The following MSX1 variants were observed in gnomAD, a reference collection of about 807,000 sequenced individuals.
MSX1 encodes the protein msh homeobox 1.
In MSX1, 11 loss-of-function variants were observed where a neutral mutation model predicts 17.0. The observed-to-expected ratio is 0.65, with a 90% CI of 0.41 to 1.07. The LOEUF (loss-of-function observed/expected upper bound fraction) is 1.07, where lower values mean the gene tolerates loss of function less well. Ranked by LOEUF, MSX1 falls within the 50% of genes least tolerant of loss-of-function variation. The pLI is 0.00. For missense variants in MSX1, 477 were observed against 440.1 expected, an observed-to-expected ratio of 1.08 and a Z score of -0.75; for synonymous variants, 253 against 211.8, an observed-to-expected ratio of 1.19 and a Z score of -1.69.
At position 4,863,167 on chromosome 4, in the gene MSX1, G is replaced by A. The variant is rs1395817525; in HGVS notation, c.*24G>A. 4 of 1,573,680 alleles carry A rather than the reference G, an allele frequency of 2.5e-6. No homozygotes were observed. The highest frequency in any genetic ancestry group is 3.4e-6 in the Non-Finnish European group (4 of 1,167,366). On this transcript the variant is annotated 3_prime_UTR_variant, in exon 2 of 2. Transcript: ENST00000382723. ...AGAGGGTCCCAGGTCGCCCACCTGTGGGCCAGCCGATTCCTCCAGCCCTGG... is the reference window on the plus strand; with the variant it reads ...AGAGGGTCCCAGGTCGCCCACCTGTAGGCCAGCCGATTCCTCCAGCCCTGG...
At chr4:4,861,488 T>C (rs1410126513) in intron 1 of MSX1, among the ~76,000 whole-genome samples, 2 of 151,964 alleles carry the variant, frequency 1.3e-5, no homozygotes, top group Non-Finnish European at 2.9e-5. Context: ...TTTTGTTTTG[T>C]TTTTTCTGTT....
chr4:4,861,330 G>A (rs978659785), intron 1 of MSX1, among the ~76,000 whole-genome samples: 9 of 152,362 alleles, frequency 5.9e-5, no homozygotes, highest in African/African-American at 1.7e-4. Flanking sequence ...CGCCCCTCGG[G>A]CGGCCCGGCG....
chr4:4,862,928 G>A lies in MSX1; in HGVS notation c.697G>A (p.Ala233Thr). Residue 233 changes from alanine (A) to threonine (T), a missense_variant, in exon 2 of 2, where the codon GCA becomes ACA. Around this residue, in one of 3 missense-constraint regions of MSX1, gnomAD observed 114 missense variants for 106.3 expected, o/e 1.07. Coordinates refer to ENST00000382723, the MANE Select transcript of MSX1 (RefSeq NM_002448.3). ...RRAKAKRLQE[A>T]ELEKLKMAAK... ...CGCCAAGGCAAAGAGACTACAAGAG[G>A]CAGAGCTGGAGAAGCTGAAGATGGC... 1.2e-6 allele frequency: 2 copies of A among 1,613,450 alleles called. No individual in the cohort carries two copies. The highest frequency in any genetic ancestry group is 1.7e-6 in the Non-Finnish European group (2 of 1,180,010).
rs760652663 is a variant in MSX1 at position 4,863,036 on chromosome 4, G to A, written c.805G>A (p.Ala269Thr). ...GPAAVAAAAG[A>T]SLYGASGPFQ... Reference sequence around the variant, plus strand: ...CGCAGCTGTAGCGGCCGCGGCGGGTGCCTCGCTCTACGGTGCCTCTGGCCC... The same window carrying A: ...CGCAGCTGTAGCGGCCGCGGCGGGTACCTCGCTCTACGGTGCCTCTGGCCC... Residue 269 changes from alanine to threonine, a missense_variant, in exon 2 of 2, where the codon GCC (alanine) becomes ACC (threonine). Physicochemically the swap from Ala to Thr is moderately conservative, Grantham distance 58. This residue lies in a region of MSX1 where 114 missense variants were observed against 106.3 expected (regional missense o/e 1.07). Transcript: ENST00000382723. 1.2e-5 allele frequency: 20 copies of A among 1,609,740 alleles called. No individual in the cohort carries two copies. The highest frequency in any genetic ancestry group is 1.7e-5 in the Non-Finnish European group (20 of 1,178,736).
Position 4,863,022 on chromosome 4 carries a change from C to A in MSX1, c.791C>A (p.Ala264Glu). ...CCTCTCGGCGGCCCCGCAGCTGTAG[C>A]GGCCGCGGCGGGTGCCTCGCTCTAC... ...SFPLGGPAAV[A>E]AAAGASLYGA... is the part of the protein sequence containing the mutation. Residue 264 changes from alanine to glutamate, a missense_variant, in exon 2 of 2, where the codon GCG (alanine) becomes GAG (glutamate). Transcript: ENST00000382723. 6.2e-7 allele frequency: 1 copy of A among 1,610,884 alleles called. No individual in the cohort carries two copies. Among genetic ancestry groups the A allele is most frequent in the Non-Finnish European group, 8.5e-7 (1 of 1,179,044 alleles).
At chr4:4,862,647 A>T in intron 1 of MSX1, 54 bp from the exon 2 acceptor site, 1 of 1,591,926 alleles carries the variant, frequency 6.3e-7, no homozygotes, top group Non-Finnish European at 8.6e-7. Flanking sequence ...TGGGCTGATC[A>T]TGCTCCAATG....
chr4:4,862,669 AC>A (rs761868094), intron 1 of MSX1, 31 bp from the exon 2 acceptor site: 5 of 1,600,116 alleles, frequency 3.1e-6, no homozygotes, highest in African/African-American at 1.4e-5. Flanking sequence ...TTCTCTCTTA[AC>A]CCCTTGCTTT....
chr4:4,862,479 A>C, intron 1 of MSX1: 2 of 708,032 alleles, frequency 2.8e-6, no homozygotes, highest in East Asian at 5.4e-5. Context: ...CTGGAATCTT[A>C]GTTTCTTCAT....
Sources: gnomAD v4.1 joint callset for allele counts (sites outside exome capture counted in the v4.1 genomes callset) on GRCh38, gnomAD v4.1.1 for gene constraint, gnomAD v4.1.1 regional missense constraint, MANE v1.5 for transcripts, NCBI Gene and HGNC (gene_info 2026-07-23, HGNC 2026-07-21) for gene names.